The following SPHKAP variants were observed in gnomAD, a reference collection of about 807,000 sequenced individuals.
SPHKAP encodes A-kinase anchor protein SPHKAP.
A neutral mutation model predicts 137.5 loss-of-function variants in SPHKAP; 67 were observed. The observed-to-expected ratio is 0.49, with a 90% CI of 0.40 to 0.60. The LOEUF is 0.60. SPHKAP is among the 20% of genes least tolerant of loss of function. The pLI, the probability that SPHKAP is intolerant of heterozygous loss-of-function variation, is 0.00. For missense variants in SPHKAP, 2,097 were observed against 2,069.3 expected (o/e 1.01, Z -0.26); for synonymous variants, 813 against 785.3 (o/e 1.04, Z -0.59).
rs149472840 is a variant in SPHKAP, at chr2:228,038,906, C to T, written c.247-11363G>A. On this transcript the variant is annotated intron_variant, in intron 3 of 11. Transcript: ENST00000392056. ...TCTTCCCATAAAGGTACAGGGAATA[C>T]GTACAGAAGCTACAGGAGAATTAAA... Among the ~76,000 whole-genome samples the T allele has an allele frequency of 1.0e-3, 155 of 152,298 alleles. 1 individual carries two copies. The highest frequency in any genetic ancestry group is 3.4e-3 in the Middle Eastern group (1 of 294).
At chr2:228,023,752 A>G (rs1694925940) in intron 5 of SPHKAP, among the ~76,000 whole-genome samples, 1 of 152,214 alleles carries the variant, frequency 6.6e-6, no homozygotes, top group Admixed American at 6.5e-5. Context: ...ACTATCAGTG[A>G]GTCAACCTCA....
intron 7 of SPHKAP, among the ~76,000 whole-genome samples, chr2:227,997,083 T>C (rs905501924): frequency 2.6e-5 from 4 of 152,150 alleles, no homozygotes; most frequent in Non-Finnish European, 4.4e-5. Flanking sequence ...TTTCAAAACC[T>C]TCTTAACCCT....
chr2:228,016,500 G>A lies in SPHKAP; in HGVS notation c.4354C>T (p.Leu1452Phe). 1.2e-6 allele frequency: 2 copies of A among 1,614,018 alleles called. No homozygotes were observed. Among genetic ancestry groups the A allele is most frequent in the Non-Finnish European group, 1.7e-6 (2 of 1,180,000 alleles). The change falls in exon 7 of 12, where the codon CTC becomes TTC. Residue 1452 changes from leucine (L) to phenylalanine (F), a missense_variant. Coordinates refer to ENST00000392056, the MANE Select transcript of SPHKAP (RefSeq NM_001142644.2). Reference sequence around the variant, plus strand: ...GAATGCCCTTCTGCTTCCTCTAGGAGGCTGCTTTTGGAAAGGAAGGGTTCA... The same window carrying A: ...GAATGCCCTTCTGCTTCCTCTAGGAAGCTGCTTTTGGAAAGGAAGGGTTCA... The part of the protein sequence containing the change: ...EPEPFLSKSS[L>F]LEEAEGHSND...
At chr2:228,070,553 G>A (rs1287649561) in intron 3 of SPHKAP, among the ~76,000 whole-genome samples, 1 of 151,984 alleles carries the variant, frequency 6.6e-6, no homozygotes, top group Non-Finnish European at 1.5e-5. Flanking sequence ...GAAGTCAAGA[G>A]CAGTCTTGAA....
At position 228,067,148 on chromosome 2, in the gene SPHKAP, C is replaced by T. The variant is rs138321598; in HGVS notation, c.247-39605G>A. Among the ~76,000 whole-genome samples the T allele has an allele frequency of 3.3e-5, 5 of 152,310 alleles. No homozygotes were observed. In the East Asian group the frequency reaches 9.7e-4, roughly 29 times the overall value. ...GGTGACATCAGGGCAGAAAGCCATTCTACTGCTCTGTTTCAGCACAGAAGT... is the reference window on the plus strand; with the variant it reads ...GGTGACATCAGGGCAGAAAGCCATTTTACTGCTCTGTTTCAGCACAGAAGT... On this transcript the variant is annotated intron_variant, in intron 3 of 11. Coordinates refer to ENST00000392056, the MANE Select transcript of SPHKAP (RefSeq NM_001142644.2).
chr2:228,126,422 A>G (rs894542635), intron 2 of SPHKAP, among the ~76,000 whole-genome samples: 1 of 152,124 alleles, frequency 6.6e-6, no homozygotes, highest in African/African-American at 2.4e-5. Flanking sequence ...TCAATTATCA[A>G]TGTCAGTTAA....
At chr2:228,095,627 G>A (rs1005233902) in intron 3 of SPHKAP, among the ~76,000 whole-genome samples, 5 of 152,062 alleles carry the variant, frequency 3.3e-5, no homozygotes, top group Non-Finnish European at 4.4e-5. Context: ...CTAGAGAGAA[G>A]AGATAGTATA....
chr2:228,130,802 T>C (rs1699226069), intron 2 of SPHKAP, among the ~76,000 whole-genome samples: 1 of 152,112 alleles, frequency 6.6e-6, no homozygotes, highest in Non-Finnish European at 1.5e-5. Flanking sequence ...CTTAGTTCCC[T>C]GCATTAAAAA....
chr2:228,132,512 A>G (rs1369459801), intron 1 of SPHKAP: 2 of 867,256 alleles, frequency 2.3e-6, no homozygotes, highest in African/African-American at 1.8e-5. Flanking sequence ...TTTAATCTGG[A>G]CTCAGAATAG....
chr2:227,995,413 C>G, intron 8 of SPHKAP, 96 bp downstream of exon 8: 3 of 1,469,086 alleles, frequency 2.0e-6, no homozygotes, highest in African/African-American at 1.4e-5. Context: ...CTCCTTCTCT[C>G]TTTATTAGGG....
chr2:228,004,722 C>T (rs1186078084), intron 7 of SPHKAP, among the ~76,000 whole-genome samples: 1 of 152,094 alleles, frequency 6.6e-6, no homozygotes, highest in Non-Finnish European at 1.5e-5. Flanking sequence ...CTACACACTG[C>T]TTTAAATCTG....
chr2:228,156,332 A>G (rs1700106476), intron 1 of SPHKAP, among the ~76,000 whole-genome samples: 1 of 152,212 alleles, frequency 6.6e-6, no homozygotes, highest in South Asian at 2.1e-4. Flanking sequence ...TTACCAGTGC[A>G]GCAATAAATT....
intron 3 of SPHKAP, among the ~76,000 whole-genome samples, chr2:228,087,551 G>T (rs1010196156): frequency 6.6e-6 from 1 of 152,076 alleles, no homozygotes; most frequent in Non-Finnish European, 1.5e-5. Flanking sequence ...AGAAAAAAAG[G>T]TAAGTATGAG....
chr2:228,010,186 T>C (rs1344055898), intron 7 of SPHKAP, among the ~76,000 whole-genome samples: 2 of 152,124 alleles, frequency 1.3e-5, no homozygotes, highest in East Asian at 1.9e-4. Flanking sequence ...TGCTGCTTGT[T>C]GTACAATGTA....
intron 1 of SPHKAP, among the ~76,000 whole-genome samples, chr2:228,178,915 A>T (rs76439080): frequency 0.12 from 17,675 of 151,932 alleles, 1,049 homozygotes; most frequent in East Asian, 0.19. Flanking sequence ...TAATAACTCA[A>T]AGAACCCAAA....
chr2:228,017,622 G>A lies in SPHKAP; in HGVS notation c.3232C>T (p.Leu1078=). ...RLLSGDRWSR[L]KASSCESIPE... ...ATGCTTTCGCAGCTGGAGGCCTTCA[G>A]CCGGCTCCACCTGTCGCCACTCAGT... Residue 1078 remains leucine, a synonymous_variant, in exon 7 of 12, where the codon CTG becomes TTG. Transcript: ENST00000392056. 1 of 1,613,966 alleles carries A rather than the reference G, an allele frequency of 6.2e-7. No individual in the cohort carries two copies. The highest frequency in any genetic ancestry group is 8.5e-7 in the Non-Finnish European group (1 of 1,180,030).
At chr2:228,044,592 T>A (rs1695964202) in intron 3 of SPHKAP, among the ~76,000 whole-genome samples, 1 of 152,088 alleles carries the variant, frequency 6.6e-6, no homozygotes, top group African/African-American at 2.4e-5. Context: ...TCAAAAAAAA[T>A]GACCATTAAA....
intron 4 of SPHKAP, among the ~76,000 whole-genome samples, chr2:228,026,385 T>A (rs1347625601): frequency 6.6e-6 from 1 of 152,196 alleles, no homozygotes; most frequent in Non-Finnish European, 1.5e-5. Flanking sequence ...TGTATATATG[T>A]TAAATCTGAC....
chr2:228,154,504 C>CTATATATA (rs1559203866), intron 1 of SPHKAP, among the ~76,000 whole-genome samples: 8 of 28,080 alleles, frequency 2.8e-4, no homozygotes, highest in South Asian at 1.8e-3. Context: ...CTCTCTCTCT[C>CTATATATA]TCTCTCTCTA....
Sources: allele counts gnomAD v4.1 joint callset (sites outside exome capture counted in the v4.1 genomes callset), GRCh38; gene constraint gnomAD v4.1.1; transcripts MANE v1.5; gene names NCBI Gene and HGNC (gene_info 2026-07-23, HGNC 2026-07-21).